Variants in SLC20A2 observed in about 807,000 individuals in gnomAD.
SLC20A2 encodes the protein sodium-dependent phosphate transporter 2.
In SLC20A2, 30 loss-of-function variants were observed where a neutral mutation model predicts 61.0. The observed-to-expected ratio is 0.49, with a 90% confidence interval of 0.37 to 0.67. The LOEUF is 0.67. Ranked by LOEUF, SLC20A2 falls within the 30% of genes least tolerant of loss-of-function variation. SLC20A2 has a pLI of 0.00. For missense variants in SLC20A2, 626 were observed against 866.4 expected (o/e 0.72, Z 3.48); for synonymous variants, 351 against 353.3 (o/e 0.99, Z 0.07).
chr8:42,503,598 G>A (rs751125443), upstream of SLC20A2, among the ~76,000 whole-genome samples: 56 of 152,136 alleles, frequency 3.7e-4, no homozygotes, highest in African/African-American at 1.0e-3. Flanking sequence ...ATTTTAATGT[G>A]TAATAATCAT....
At chr8:42,530,772 G>C (rs183700824) in intron 1 of SLC20A2, among the ~76,000 whole-genome samples, 49 of 152,312 alleles carry the variant, frequency 3.2e-4, no homozygotes, top group African/African-American at 1.1e-3. Context: ...CTGGAGTGCA[G>C]TGGCATGATC....
intron 1 of SLC20A2, among the ~76,000 whole-genome samples, chr8:42,536,976 G>A (rs557171140): frequency 7.2e-5 from 11 of 152,132 alleles, no homozygotes; most frequent in African/African-American, 2.2e-4. Flanking sequence ...TCGGGAGGCT[G>A]AGGCAGAAGA....
At chr8:42,508,145 C>T (rs751187123) in intron 1 of SLC20A2, among the ~76,000 whole-genome samples, 1 of 151,864 alleles carries the variant, frequency 6.6e-6, no homozygotes, top group African/African-American at 2.4e-5. Context: ...CCCTGGGCAA[C>T]AGAGCAAGAC....
intron 1 of SLC20A2, among the ~76,000 whole-genome samples, chr8:42,494,230 G>A (rs529276953): frequency 2.0e-5 from 3 of 152,140 alleles, no homozygotes; most frequent in Non-Finnish European, 4.4e-5. Context: ...GCCCAGTACT[G>A]CAAAATAACC....
At chr8:42,461,435 C>T (rs867890736) in intron 4 of SLC20A2, among the ~76,000 whole-genome samples, 8 of 151,792 alleles carry the variant, frequency 5.3e-5, no homozygotes, top group Middle Eastern at 3.4e-3. Flanking sequence ...ATTAAATTAC[C>T]GTATGTTTTT....
chr8:42,519,533 T>A (rs1251623571), intron 1 of SLC20A2, among the ~76,000 whole-genome samples: 2 of 152,192 alleles, frequency 1.3e-5, no homozygotes. Flanking sequence ...TGCTTTGTTT[T>A]TAAAGCTACC....
chr8:42,521,932 C>A (rs1181257898), intron 1 of SLC20A2, among the ~76,000 whole-genome samples: 1 of 121,192 alleles, frequency 8.3e-6, no homozygotes, highest in African/African-American at 2.5e-5. Flanking sequence ...AGATTTATGG[C>A]AATTTTCTGG....
intron 1 of SLC20A2, among the ~76,000 whole-genome samples, chr8:42,500,622 AAAC>A (rs1469017196): frequency 6.6e-6 from 1 of 152,268 alleles, no homozygotes; most frequent in African/African-American, 2.4e-5. Flanking sequence ...TCTACAAAAT[AAAC>A]TTGTAGCACA....
chr8:42,452,650 A>G (rs1454288600), intron 5 of SLC20A2, among the ~76,000 whole-genome samples: 1 of 148,356 alleles, frequency 6.7e-6, no homozygotes, highest in Admixed American at 6.7e-5. Flanking sequence ...AGGAAGAGAT[A>G]AAGAGGAGGA....
intron 1 of SLC20A2, among the ~76,000 whole-genome samples, chr8:42,511,230 G>C (rs1428666021): frequency 6.6e-6 from 1 of 152,200 alleles, no homozygotes; most frequent in African/African-American, 2.4e-5. Flanking sequence ...GACAATACTT[G>C]ATACCAATTT....
intron 1 of SLC20A2, among the ~76,000 whole-genome samples, chr8:42,523,425 T>A (rs1180966097): frequency 6.6e-6 from 1 of 152,234 alleles, no homozygotes; most frequent in African/African-American, 2.4e-5. Context: ...ATAAATTCAA[T>A]GCAAGTAAAT....
intron 6 of SLC20A2, among the ~76,000 whole-genome samples, chr8:42,441,140 CTCTT>C (rs1387248559): frequency 1.4e-5 from 2 of 144,200 alleles, no homozygotes; most frequent in Non-Finnish European, 3.0e-5. Flanking sequence ...AAATATTTTG[CTCTT>C]TTTTTTTTTT....
chr8:42,437,648 C>A lies in SLC20A2; in HGVS notation c.935-71G>T. ...TTTTCTTTTCTTTTTGAGACGGAGC[C>A]TTGCTCTGTCCTCAGGGTGGAGTAC... On this transcript the variant is annotated intron_variant, in intron 7 of 10. Transcript: ENST00000520262. This position sits in a 1 kb window ranked among gnomAD's most constrained non-coding sequence, Gnocchi z 6.4. 1.6e-6 allele frequency: 2 copies of A among 1,285,028 alleles called. No homozygotes were observed. Among genetic ancestry groups the A allele is most frequent in the Non-Finnish European group, 2.1e-6 (2 of 956,618 alleles). 79.6% of individuals were successfully genotyped at this position (1,285,028 alleles called of 1,614,324 possible). A position where few individuals can be genotyped will look rare whatever the true frequency, so the allele number is the denominator to read the frequency against.
intron 5 of SLC20A2, among the ~76,000 whole-genome samples, chr8:42,449,996 CAG>C (rs1421639377): frequency 6.6e-6 from 1 of 152,180 alleles, no homozygotes; most frequent in Non-Finnish European, 1.5e-5. Flanking sequence ...TGCACACACA[CAG>C]AGATTACCTC....
At chr8:42,493,960 AGC>A (rs1227007539) in intron 1 of SLC20A2, among the ~76,000 whole-genome samples, 2 of 152,130 alleles carry the variant, frequency 1.3e-5, no homozygotes, top group Non-Finnish European at 2.9e-5. Flanking sequence ...TGGGTAACAT[AGC>A]GAGACCCTGT....
chr8:42,419,234 A>G (rs992852299), intron 10 of SLC20A2, among the ~76,000 whole-genome samples: 1 of 152,090 alleles, frequency 6.6e-6, no homozygotes, highest in African/African-American at 2.4e-5. Flanking sequence ...CCCTTCTGCT[A>G]AAGATTTCAC....
chr8:42,522,244 G>A (rs1456616518), intron 1 of SLC20A2, among the ~76,000 whole-genome samples: 1 of 121,530 alleles, frequency 8.2e-6, no homozygotes, highest in Non-Finnish European at 2.0e-5. Flanking sequence ...CCAATGAGGT[G>A]GCTGCTGATA....
chr8:42,520,006 ATCTT>A (rs1586258786), intron 1 of SLC20A2, among the ~76,000 whole-genome samples: 1 of 109,866 alleles, frequency 9.1e-6, no homozygotes, highest in Non-Finnish European at 1.9e-5. Context: ...CTTTATGCTA[ATCTT>A]TTTTTTTTTT....
At chr8:42,519,236 G>A (rs536098269) in intron 1 of SLC20A2, among the ~76,000 whole-genome samples, 1 of 152,258 alleles carries the variant, frequency 6.6e-6, no homozygotes, top group East Asian at 1.9e-4. Context: ...ACGAGGTCAA[G>A]GGATTGAGAC....
Sources: gnomAD v4.1 joint callset for allele counts (sites outside exome capture counted in the v4.1 genomes callset) on GRCh38, gnomAD v4.1.1 for gene constraint, Gnocchi (gnomAD v3.1) non-coding constraint, MANE v1.5 for transcripts, NCBI Gene and HGNC (gene_info 2026-07-23, HGNC 2026-07-21) for gene names.